TRPC4: variants seen among roughly 807,000 people sequenced by gnomAD.
The protein encoded by TRPC4 is transient receptor potential cation channel subfamily C member 4.
In TRPC4, 49 loss-of-function variants were observed where a neutral mutation model predicts 99.4. That is an observed-to-expected ratio of 0.49 (90% CI 0.39 to 0.63). The LOEUF (loss-of-function observed/expected upper bound fraction) is 0.63. Among genes scored for constraint, TRPC4 ranks in the 20% least tolerant of loss-of-function variants. TRPC4 has a pLI of 0.00. For missense variants in TRPC4, 898 were observed against 1,152.9 expected, an observed-to-expected ratio of 0.78 and a Z score of 3.20; for synonymous variants, 454 against 425.9, an observed-to-expected ratio of 1.07 and a Z score of -0.81.
intron 4 of TRPC4, among the ~76,000 whole-genome samples, chr13:37,686,449 A>G (rs1040386079): frequency 2.0e-4 from 31 of 152,046 alleles, no homozygotes; most frequent in African/African-American, 5.8e-4. Flanking sequence ...GTATACACAC[A>G]CATATATATA....
intron 2 of TRPC4, among the ~76,000 whole-genome samples, chr13:37,777,451 G>T (rs528108290): frequency 5.7e-4 from 86 of 151,990 alleles, no homozygotes; most frequent in African/African-American, 2.1e-3. Flanking sequence ...GCACTAGGGA[G>T]ATGGTACTAA....
chr13:37,854,530 A>C (rs7337288), intron 1 of TRPC4, among the ~76,000 whole-genome samples: 5,036 of 152,168 alleles, frequency 0.033, 279 homozygotes, highest in African/African-American at 0.11. Flanking sequence ...AAAACACAGA[A>C]TACCATAACA....
intron 6 of TRPC4, among the ~76,000 whole-genome samples, chr13:37,659,254 A>C (rs1952350892): frequency 6.6e-6 from 1 of 152,008 alleles, no homozygotes. Flanking sequence ...TTCTCACACT[A>C]TCAGTTCTCA....
Position 37,833,237 on chromosome 13 carries a change from T to A in TRPC4, c.-28+36358A>T, listed in dbSNP as rs147362777. Among the ~76,000 whole-genome samples the A allele has an allele frequency of 4.2e-3, 639 of 152,284 alleles. 3 individuals are homozygous for A. The highest frequency in any genetic ancestry group is 0.015 in the African/African-American group (607 of 41,566). On this transcript the variant is annotated intron_variant, in intron 1 of 10. Transcript: ENST00000379705. Reference sequence around the variant, plus strand: ...TTCTGCCAATTTTTTCTGATTATTTTCCTGCATTATATTTCTAAAGCTTCT... The same window carrying A: ...TTCTGCCAATTTTTTCTGATTATTTACCTGCATTATATTTCTAAAGCTTCT...
chr13:37,792,339 A>G (rs977583838), intron 1 of TRPC4, among the ~76,000 whole-genome samples: 6 of 152,166 alleles, frequency 3.9e-5, no homozygotes, highest in African/African-American at 1.4e-4. Context: ...TCTAATCCTT[A>G]TTTCCCCTAG....
At chr13:37,689,352 T>C (rs376797266) in intron 4 of TRPC4, among the ~76,000 whole-genome samples, 4 of 152,142 alleles carry the variant, frequency 2.6e-5, no homozygotes, top group Non-Finnish European at 5.9e-5. Context: ...CTTATAATCA[T>C]GGATCTAGCA....
intron 1 of TRPC4, among the ~76,000 whole-genome samples, chr13:37,859,173 A>ACTGATTTATTTATTCATT (rs1959201976): frequency 6.6e-6 from 1 of 151,626 alleles, no homozygotes; most frequent in Non-Finnish European, 1.5e-5. Flanking sequence ...AGAGCTGTAA[A>ACTGATTTATTTATTCATT]TAAAATATAC....
intron 4 of TRPC4, among the ~76,000 whole-genome samples, chr13:37,676,496 C>T (rs1953056082): frequency 6.6e-6 from 1 of 151,926 alleles, no homozygotes; most frequent in African/African-American, 2.4e-5. Flanking sequence ...CCTCAGCCTC[C>T]CTAGTAGCTG....
intron 2 of TRPC4, among the ~76,000 whole-genome samples, chr13:37,782,473 T>A (rs2139346009): frequency 6.6e-6 from 1 of 152,182 alleles, no homozygotes; most frequent in East Asian, 1.9e-4. Flanking sequence ...TGTTAAAGGA[T>A]AATATCAAAA....
rs1423738638 is a variant in TRPC4 at position 37,636,305 on chromosome 13, A to AACCTAAAACACTAC, written c.*584_*597dup. On this transcript the variant is annotated 3_prime_UTR_variant, in exon 11 of 11. Transcript: ENST00000379705. Reference sequence around the variant, plus strand: ...ACTTACTGAAAGGAAACCCTGGAACAACCTAAAACACTACAAAGTTTTTCT... The same window carrying AACCTAAAACACTAC: ...ACTTACTGAAAGGAAACCCTGGAACAACCTAAAACACTACACCTAAAACACTACAAAGTTTTTCT... Among the ~76,000 whole-genome samples, 5 of 152,118 alleles carry AACCTAAAACACTAC rather than the reference A, an allele frequency of 3.3e-5. No individual in the cohort carries two copies. The East Asian group carries it at 5.8e-4, about 18-fold the overall frequency.
At chr13:37,741,511 G>A (rs1198992979) in intron 3 of TRPC4, among the ~76,000 whole-genome samples, 1 of 152,146 alleles carries the variant, frequency 6.6e-6, no homozygotes, top group East Asian at 1.9e-4. Flanking sequence ...GCTTGGTCAA[G>A]GGAGCAACCT....
rs1951412016 is a variant in TRPC4, at chr13:37,632,265, G to T, written c.*4638C>A. On this transcript the variant is annotated 3_prime_UTR_variant, in exon 11 of 11. Coordinates refer to ENST00000379705, the MANE Select transcript of TRPC4 (RefSeq NM_016179.4). ...CACATACGTATTTTTCAGTTTTCTAGTAGCCACATTGTAAAAGGAAAAAGA... is the reference window on the plus strand; with the variant it reads ...CACATACGTATTTTTCAGTTTTCTATTAGCCACATTGTAAAAGGAAAAAGA... Among the ~76,000 whole-genome samples, 1 of 152,152 alleles carries T rather than the reference G, an allele frequency of 6.6e-6. No individual in the cohort carries two copies. Among genetic ancestry groups the T allele is most frequent in the African/African-American group, 2.4e-5 (1 of 41,420 alleles).
chr13:37,689,938 G>A lies in TRPC4; in HGVS notation c.1234+2061C>T, dbSNP rs148697212. Among the ~76,000 whole-genome samples, 27 of 152,218 alleles carry A rather than the reference G, an allele frequency of 1.8e-4. No homozygotes were observed. In the East Asian group the frequency reaches 4.6e-3, roughly 26 times the overall value. On this transcript the variant is annotated intron_variant, in intron 4 of 10. Transcript: ENST00000379705. ...ACTATCATCCTTCACTGTGCATTCT[G>A]CCTGGAAAGTATTTGACACATTTTC... is the stretch of plus-strand genomic sequence containing the variant.
At chr13:37,864,513 A>G (rs2139733038) in intron 1 of TRPC4, among the ~76,000 whole-genome samples, 1 of 151,880 alleles carries the variant, frequency 6.6e-6, no homozygotes, top group Non-Finnish European at 1.5e-5. Context: ...ATATAAAAAT[A>G]TGCTAAAAGT....
intron 4 of TRPC4, among the ~76,000 whole-genome samples, chr13:37,684,306 C>T (rs1953378143): frequency 6.6e-6 from 1 of 151,942 alleles, no homozygotes; most frequent in Non-Finnish European, 1.5e-5. Context: ...GTTTTGACAC[C>T]ATTATTTTAA....
At chr13:37,867,733 C>A (rs1959859535) in intron 1 of TRPC4, among the ~76,000 whole-genome samples, 1 of 152,012 alleles carries the variant, frequency 6.6e-6, no homozygotes, top group African/African-American at 2.4e-5. Flanking sequence ...TAGACACAGC[C>A]ATCCAAATAT....
chr13:37,705,778 T>A (rs1332427021), intron 3 of TRPC4, among the ~76,000 whole-genome samples: 1 of 152,128 alleles, frequency 6.6e-6, no homozygotes, highest in Non-Finnish European at 1.5e-5. Context: ...GAGCCCCAGA[T>A]AGCTCCTGTA....
chr13:37,829,589 C>G (rs1029971568), intron 1 of TRPC4, among the ~76,000 whole-genome samples: 8 of 152,086 alleles, frequency 5.3e-5, no homozygotes, highest in African/African-American at 1.9e-4. Context: ...TTCAGTGGTT[C>G]CTCAAAAAAA....
chr13:37,728,156 C>T (rs1955124201), intron 3 of TRPC4, among the ~76,000 whole-genome samples: 1 of 151,626 alleles, frequency 6.6e-6, no homozygotes, highest in African/African-American at 2.4e-5. Context: ...GCTGTCACTG[C>T]TTCTATTCAA....
Sources: gnomAD v4.1 joint callset for allele counts (sites outside exome capture counted in the v4.1 genomes callset) on GRCh38, gnomAD v4.1.1 for gene constraint, MANE v1.5 for transcripts, NCBI Gene and HGNC (gene_info 2026-07-23, HGNC 2026-07-21) for gene names.